The following ARHGAP20 variants were observed in gnomAD, a reference collection of about 807,000 sequenced individuals.
The protein encoded by ARHGAP20 is rho GTPase-activating protein 20.
In ARHGAP20, 34 loss-of-function variants were observed where a neutral mutation model predicts 73.7. That is an observed-to-expected ratio of 0.46 (90% CI 0.35 to 0.61). The LOEUF is 0.61. Among genes scored for constraint, ARHGAP20 ranks in the 20% least tolerant of loss-of-function variants. ARHGAP20 has a pLI of 0.00. For synonymous variants in ARHGAP20, 523 were observed against 518.2 expected (o/e 1.01, Z -0.13); for missense variants, 1,314 against 1,420.9 (o/e 0.92, Z 1.21).
chr11:110,635,834 A>G (rs954582237), intron 2 of ARHGAP20, among the ~76,000 whole-genome samples: 11 of 152,100 alleles, frequency 7.2e-5, no homozygotes, highest in Non-Finnish European at 1.3e-4. Flanking sequence ...GGAGTTGAAG[A>G]AGGTATAATA....
chr11:110,683,782 C>A (rs1191699794), intron 2 of ARHGAP20, among the ~76,000 whole-genome samples: 1 of 152,120 alleles, frequency 6.6e-6, no homozygotes, highest in African/African-American at 2.4e-5. Context: ...TTGTTATAGT[C>A]TGAATGAGAG....
rs148657401 is a variant in ARHGAP20 at position 110,694,838 on chromosome 11, A to C, written c.106-4209T>G. Among the ~76,000 whole-genome samples the C allele has an allele frequency of 1.6e-3, 237 of 151,728 alleles. 1 individual carries two copies. The highest frequency in any genetic ancestry group is 3.4e-3 in the Middle Eastern group (1 of 294). ...CTGGCACAAACTATACACTCTATAA[A>C]TGAGGGTTTTATGTGAATTAAAAAA... is the stretch of plus-strand genomic sequence containing the variant. On this transcript the variant is annotated intron_variant, in intron 1 of 14. Transcript: ENST00000683387.
At chr11:110,627,882 T>C (rs746723764) in intron 3 of ARHGAP20, among the ~76,000 whole-genome samples, 7 of 152,234 alleles carry the variant, frequency 4.6e-5, no homozygotes, top group Non-Finnish European at 8.8e-5. Flanking sequence ...GTAACTTATT[T>C]ATCTTGCAAA....
At chr11:110,697,025 G>A (rs1050925260) in intron 1 of ARHGAP20, among the ~76,000 whole-genome samples, 1 of 151,586 alleles carries the variant, frequency 6.6e-6, no homozygotes, top group South Asian at 2.1e-4. Context: ...GTAGTGCTAT[G>A]ATGAACATAG....
At chr11:110,648,210 AATATATATATGTATATAT>A (rs56898388) in intron 2 of ARHGAP20, among the ~76,000 whole-genome samples, 3,350 of 113,268 alleles carry the variant, frequency 0.03, 160 homozygotes, top group African/African-American at 0.12. Context: ...TATATATGTA[AATATATATATGTATATAT>A]ATATATATGT....
Position 110,630,722 on chromosome 11 carries a change from G to T in ARHGAP20, c.259C>A (p.Leu87Met), listed in dbSNP as rs1948842636. 6.2e-7 allele frequency: 1 copy of T among 1,614,118 alleles called. No individual in the cohort carries two copies. Among genetic ancestry groups the T allele is most frequent in the Non-Finnish European group, 8.5e-7 (1 of 1,179,992 alleles). Residue 87 changes from leucine (L) to methionine (M), a missense_variant, in exon 3 of 15, where the codon CTG becomes ATG. By Grantham distance (15) the Leu-to-Met change is conservative (BLOSUM62 2). Around this residue, in one of 3 missense-constraint regions of ARHGAP20, gnomAD observed 443 missense variants for 466.4 expected, o/e 0.95. Transcript: ENST00000683387. ...SSLVCSNRTL[L>M]IDGRAELKRG... The stretch of plus-strand genomic sequence containing the variant: ...TTGAGTTCTGCCCGGCCATCAATCA[G>T]CAGAGTCCTATTGGAGCACACTAAT...
chr11:110,579,915 T>G lies in ARHGAP20; in HGVS notation c.3031A>C (p.Ser1011Arg), dbSNP rs779503759. ...TCCTTCTTTGTATAGGCTGGGCGGC[T>G]GCAAGCCTGCCCTGATGAGGGACCG... ...MPGPSSGQACSRPAYTKKDTM... is the reference protein window; with the variant it reads ...MPGPSSGQACRRPAYTKKDTM... Residue 1011 changes from serine (S) to arginine (R), a missense_variant, in exon 15 of 15, where the codon AGC becomes CGC. Around this residue, in one of 3 missense-constraint regions of ARHGAP20, gnomAD observed 641 missense variants for 636.9 expected, o/e 1.01. Transcript: ENST00000683387. 1 of 1,614,104 alleles carries G rather than the reference T, an allele frequency of 6.2e-7. No homozygotes were observed.
chr11:110,606,791 G>A, intron 8 of ARHGAP20, 42 bp from the exon 9 acceptor site: 1 of 1,461,868 alleles, frequency 6.8e-7, no homozygotes, highest in Non-Finnish European at 9.1e-7. Flanking sequence ...AGGCTGACTG[G>A]TACTGTTAGC....
chr11:110,619,546 A>G (rs555957902), intron 4 of ARHGAP20, among the ~76,000 whole-genome samples: 56 of 151,206 alleles, frequency 3.7e-4, no homozygotes, highest in Middle Eastern at 7.0e-3. Context: ...GCAGTGATAG[A>G]GTATATGCAG....
intron 2 of ARHGAP20, among the ~76,000 whole-genome samples, chr11:110,648,332 GTA>G (rs1336565102): frequency 3.8e-5 from 4 of 104,430 alleles, no homozygotes; most frequent in Non-Finnish European, 7.0e-5. Context: ...ATGCATATGT[GTA>G]TATGTGTGTG....
chr11:110,712,302 A>G lies in ARHGAP20; in HGVS notation c.-71T>C, dbSNP rs984281101. 502 of 1,207,580 alleles carry G rather than the reference A, an allele frequency of 4.2e-4. No individual in the cohort carries two copies. The highest frequency in any genetic ancestry group is 5.2e-4 in the Non-Finnish European group (494 of 949,430). The allele number at this position is 1,207,580 out of a possible 1,614,324, so 74.8% of individuals were successfully genotyped here. ...ATCATGTCCGCGGGCTGCCGGCCGG[A>G]GGGGCGAGGACGCGCGGGCGGAGGC... On this transcript the variant is annotated 5_prime_UTR_variant, in exon 1 of 15. Coordinates refer to ENST00000683387, the MANE Select transcript of ARHGAP20 (RefSeq NM_001384657.1).
Position 110,594,002 on chromosome 11 carries a change from T to C in ARHGAP20, c.965-1847A>G, listed in dbSNP as rs185830213. Among the ~76,000 whole-genome samples, 298 of 152,350 alleles carry C rather than the reference T, an allele frequency of 2.0e-3. 2 individuals carry two copies. Among genetic ancestry groups the C allele is most frequent in the Admixed American group, 4.6e-3 (70 of 15,304 alleles). Reference sequence around the variant, plus strand: ...TCCCTGATAATGAAATACTGAAGGATTGATCTTTTAAAGGACACAGTCAGC... The same window carrying C: ...TCCCTGATAATGAAATACTGAAGGACTGATCTTTTAAAGGACACAGTCAGC... On this transcript the variant is annotated intron_variant, in intron 9 of 14. Transcript: ENST00000683387.
chr11:110,648,137 C>T (rs1949237836), intron 2 of ARHGAP20, among the ~76,000 whole-genome samples: 2 of 142,138 alleles, frequency 1.4e-5, no homozygotes, highest in Admixed American at 7.2e-5. Flanking sequence ...AACCCAAACT[C>T]GGTCAGTGAT....
intron 9 of ARHGAP20, among the ~76,000 whole-genome samples, chr11:110,595,911 A>T (rs1317924603): frequency 2.6e-5 from 4 of 152,230 alleles, no homozygotes; most frequent in Admixed American, 6.5e-5. Context: ...AGGCTACAGT[A>T]ACCAAAACAG....
At chr11:110,619,664 G>A (rs1293135068) in intron 4 of ARHGAP20, among the ~76,000 whole-genome samples, 8 of 151,864 alleles carry the variant, frequency 5.3e-5, no homozygotes. Flanking sequence ...TGTAGTGATA[G>A]AGTATATGCA....
intron 4 of ARHGAP20, among the ~76,000 whole-genome samples, chr11:110,615,994 G>C (rs940974891): frequency 6.6e-6 from 1 of 152,062 alleles, no homozygotes; most frequent in Non-Finnish European, 1.5e-5. Context: ...CTAAGCCTCA[G>C]TTTCTACATC....
intron 12 of ARHGAP20, among the ~76,000 whole-genome samples, chr11:110,585,747 TCTTTG>T (rs1947647659): frequency 6.6e-6 from 1 of 152,160 alleles, no homozygotes; most frequent in South Asian, 2.1e-4. Flanking sequence ...CTTAACTGTG[TCTTTG>T]CTGTGCTTCC....
intron 3 of ARHGAP20, among the ~76,000 whole-genome samples, chr11:110,626,923 G>A (rs929866810): frequency 6.6e-6 from 1 of 152,042 alleles, no homozygotes; most frequent in African/African-American, 2.4e-5. Flanking sequence ...TGCTTCTTCA[G>A]ATTTTTCCAC....
At chr11:110,630,878 A>T in intron 2 of ARHGAP20, 86 bp from the exon 3 acceptor site, 2 of 1,377,082 alleles carry the variant, frequency 1.5e-6, no homozygotes, top group Non-Finnish European at 2.0e-6. Context: ...TTTTTTTAAT[A>T]CAATGGTATA....
Sources: allele counts gnomAD v4.1 joint callset (sites outside exome capture counted in the v4.1 genomes callset), GRCh38; gene constraint gnomAD v4.1.1; regional missense constraint gnomAD v4.1.1; transcripts MANE v1.5; gene names NCBI Gene and HGNC (gene_info 2026-07-23, HGNC 2026-07-21).